Variants in PXT1 observed in about 807,000 individuals in gnomAD.
PXT1 encodes the protein peroxisomal testis-specific protein 1.
PXT1 carries 11 observed loss-of-function variants against 11.0 expected under a neutral mutation model. The observed-to-expected ratio is 1.00, with a 90% confidence interval of 0.63 to 1.66. The LOEUF (loss-of-function observed/expected upper bound fraction) is 1.66, where lower values mean the gene tolerates loss of function less well. PXT1 is among the 40% of genes most tolerant of loss of function. The pLI, the probability that PXT1 is intolerant of heterozygous loss-of-function variation, is 0.00. For missense variants in PXT1, 141 were observed against 155.5 expected, an observed-to-expected ratio of 0.91 and a Z score of 0.49; for synonymous variants, 43 against 51.4, an observed-to-expected ratio of 0.84 and a Z score of 0.70.
At chr6:36,402,523 T>C (rs1160188072) in intron 3 of PXT1, among the ~76,000 whole-genome samples, 1 of 152,162 alleles carries the variant, frequency 6.6e-6, no homozygotes. Context: ...TTTGCACAGA[T>C]GGGTCAGGAA....
intron 2 of PXT1, among the ~76,000 whole-genome samples, chr6:36,436,222 G>C (rs1774762384): frequency 6.7e-6 from 1 of 150,132 alleles, no homozygotes; most frequent in Admixed American, 6.7e-5. Context: ...TTTAGATTTT[G>C]TCCTAAAAAA....
chr6:36,421,209 G>A (rs1774521253), intron 3 of PXT1, among the ~76,000 whole-genome samples: 1 of 152,134 alleles, frequency 6.6e-6, no homozygotes, highest in African/African-American at 2.4e-5. Flanking sequence ...GCTGACGCCT[G>A]TAACCCCAAC....
At chr6:36,441,128 AG>A (rs1241867033) in intron 1 of PXT1, among the ~76,000 whole-genome samples, 20 of 151,670 alleles carry the variant, frequency 1.3e-4, no homozygotes, top group African/African-American at 3.6e-4. Flanking sequence ...AAAAAAAAAA[AG>A]AAAGACAATA....
At chr6:36,394,070 C>T (rs1057396973) in intron 4 of PXT1, among the ~76,000 whole-genome samples, 5 of 152,134 alleles carry the variant, frequency 3.3e-5, no homozygotes, top group African/African-American at 7.2e-5. Context: ...TGCTAGTAAC[C>T]GAAAATCATT....
intron 3 of PXT1, among the ~76,000 whole-genome samples, chr6:36,422,333 G>A (rs1774534098): frequency 6.6e-6 from 1 of 152,150 alleles, no homozygotes; most frequent in South Asian, 2.1e-4. Flanking sequence ...CCTTGCACAA[G>A]CTGCTCCCTC....
At chr6:36,391,904 G>T in intron 4 of PXT1, 30 bp from the exon 5 acceptor site, 2 of 1,136,924 alleles carry the variant, frequency 1.8e-6, no homozygotes, top group South Asian at 1.4e-5. Flanking sequence ...CACAGAGAAA[G>T]GTTTTTTTTT....
intron 2 of PXT1, among the ~76,000 whole-genome samples, chr6:36,433,739 G>T (rs1774725533): frequency 6.7e-6 from 1 of 150,298 alleles, no homozygotes; most frequent in Non-Finnish European, 1.5e-5. Context: ...GCAGGAGAAT[G>T]GCATGAACCT....
At chr6:36,439,755 A>G (rs376758723) in intron 1 of PXT1, among the ~76,000 whole-genome samples, 2 of 152,248 alleles carry the variant, frequency 1.3e-5, no homozygotes, top group East Asian at 1.9e-4. Context: ...TACATGGGAT[A>G]CGAAGGCCAG....
chr6:36,425,600 C>G (rs1479191514), intron 3 of PXT1, among the ~76,000 whole-genome samples: 2 of 151,854 alleles, frequency 1.3e-5, no homozygotes, highest in African/African-American at 2.4e-5. Flanking sequence ...GCCTGGCCAA[C>G]ATGGTGAAAC....
At chr6:36,427,512 T>C (rs1386375861) in intron 2 of PXT1, among the ~76,000 whole-genome samples, 1 of 152,174 alleles carries the variant, frequency 6.6e-6, no homozygotes, top group Non-Finnish European at 1.5e-5. Context: ...TGCTGTCTAA[T>C]AAAAATAAGT....
chr6:36,438,896 AAG>A lies in PXT1; in HGVS notation c.-129-12_-129-11del, dbSNP rs1774812705. On this transcript the variant is annotated splice_polypyrimidine_tract_variant and intron_variant, in intron 1 of 4. Transcript: ENST00000454782. ...ATTTGTTGGAGGTTCTCTGTTTTTA[AAG>A]AGAGGGGGATGAAAAGTAAATTATC... 3 of 152,154 alleles carry A rather than the reference AAG, an allele frequency of 2.0e-5. No homozygotes were observed. Among genetic ancestry groups the A allele is most frequent in the Non-Finnish European group, 2.9e-5 (2 of 68,028 alleles). The allele number at this position is 152,154 out of a possible 1,614,324, so 9.4% of individuals were successfully genotyped here.
At chr6:36,428,033 C>G (rs1774633669) in intron 2 of PXT1, among the ~76,000 whole-genome samples, 1 of 152,070 alleles carries the variant, frequency 6.6e-6, no homozygotes, top group South Asian at 2.1e-4. Context: ...CCTTGGGCAG[C>G]CTGGCATTTT....
At chr6:36,397,784 G>T (rs1774163581) in intron 4 of PXT1, among the ~76,000 whole-genome samples, 1 of 152,126 alleles carries the variant, frequency 6.6e-6, no homozygotes, top group Non-Finnish European at 1.5e-5. Context: ...GCCAAGGCAG[G>T]AGCCCAGGAA....
intron 1 of PXT1, among the ~76,000 whole-genome samples, chr6:36,440,352 C>T (rs535375088): frequency 6.6e-6 from 1 of 152,122 alleles, no homozygotes; most frequent in African/African-American, 2.4e-5. Flanking sequence ...GGGTGGATCA[C>T]GAGGTCAGGA....
chr6:36,391,963 G>T (rs1774075667), intron 4 of PXT1, 89 bp from the exon 5 acceptor site: 4 of 841,400 alleles, frequency 4.8e-6, no homozygotes, highest in African/African-American at 1.7e-5. Context: ...CAACACAATG[G>T]AAAATATTAA....
intron 3 of PXT1, among the ~76,000 whole-genome samples, chr6:36,424,112 G>C (rs574081394): frequency 2.6e-4 from 39 of 152,338 alleles, no homozygotes; most frequent in African/African-American, 9.1e-4. Flanking sequence ...TCAGGAGGTA[G>C]AGTGTGAAAA....
chr6:36,440,747 AAAG>A (rs1446391516), intron 1 of PXT1, among the ~76,000 whole-genome samples: 2 of 152,190 alleles, frequency 1.3e-5, no homozygotes, highest in Non-Finnish European at 2.9e-5. Flanking sequence ...TCTGCCCAAA[AAAG>A]GTACCCAGTC....
At chr6:36,393,839 G>A (rs1010237163) in intron 4 of PXT1, among the ~76,000 whole-genome samples, 2 of 151,980 alleles carry the variant, frequency 1.3e-5, no homozygotes, top group African/African-American at 4.8e-5. Context: ...TCCAAAGCAT[G>A]TATCTCTATC....
At chr6:36,425,259 C>T (rs1380375403) in intron 3 of PXT1, among the ~76,000 whole-genome samples, 1 of 152,118 alleles carries the variant, frequency 6.6e-6, no homozygotes, top group Non-Finnish European at 1.5e-5. Flanking sequence ...TGAATGTTCC[C>T]TACCTTAACA....
Sources: gnomAD v4.1 joint callset for allele counts (sites outside exome capture counted in the v4.1 genomes callset) on GRCh38, gnomAD v4.1.1 for gene constraint, MANE v1.5 for transcripts, NCBI Gene and HGNC (gene_info 2026-07-23, HGNC 2026-07-21) for gene names.